Variants in CORO2B observed in about 807,000 individuals in gnomAD.
CORO2B encodes coronin-2B.
Under a neutral mutation model 58.8 loss-of-function variants are expected in CORO2B, and 26 were observed. The observed-to-expected ratio is 0.44, with a 90% confidence interval of 0.32 to 0.61. The LOEUF is 0.61. CORO2B is among the 20% of genes least tolerant of loss of function. The pLI is 0.04. For missense variants in CORO2B, 460 were observed against 645.1 expected, an observed-to-expected ratio of 0.71 and a Z score of 3.11; for synonymous variants, 242 against 253.8, an observed-to-expected ratio of 0.95 and a Z score of 0.44.
the CORO2B span, among the ~76,000 whole-genome samples, chr15:68,555,927 GTGTGATC>G: frequency 6.6e-6 from 1 of 152,232 alleles, no homozygotes; most frequent in African/African-American, 2.4e-5. Flanking sequence ...CCCTCCCTCT[GTGTGATC>G]TGTGAGTCTG....
intron 1 of CORO2B, among the ~76,000 whole-genome samples, chr15:68,587,047 TATACACACACACACACACACACACACAC>T (rs1429434990): frequency 2.1e-5 from 3 of 141,734 alleles, no homozygotes; most frequent in Non-Finnish European, 3.1e-5. Flanking sequence ...GGGAGATATG[TATACACACACACACACACACACACACAC>T]ACACACACAC....
chr15:68,631,513 C>T (rs1900827895), intron 1 of CORO2B, among the ~76,000 whole-genome samples: 1 of 152,156 alleles, frequency 6.6e-6, no homozygotes, highest in African/African-American at 2.4e-5. Context: ...TCTGTTTGGC[C>T]CACTTTGGAA....
the CORO2B span, among the ~76,000 whole-genome samples, chr15:68,566,942 A>G: frequency 6.6e-6 from 1 of 152,218 alleles, no homozygotes; most frequent in Admixed American, 6.5e-5. Context: ...GCGAAGAGGC[A>G]GCGTGTCCAA....
rs1893096362 is a variant in CORO2B at position 68,718,942 on chromosome 15, G to A, written c.1080+132G>A. The A allele has an allele frequency of 4.6e-6, 4 of 878,980 alleles. 1 individual carries two copies. Among genetic ancestry groups the A allele is most frequent in the Non-Finnish European group, 1.8e-6 (1 of 550,884 alleles). The allele number at this position is 878,980 out of a possible 1,614,324, so 54.4% of individuals were successfully genotyped here. The stretch of plus-strand genomic sequence containing the variant: ...ACTGGGGTCTTCAAACCTAATTTGG[G>A]GTGAGGGGCATTCTCAGATGGGGAC... On this transcript the variant is annotated intron_variant, in intron 9 of 11. Transcript: ENST00000261861.
chr15:68,715,100 T>C (rs1361525428), intron 7 of CORO2B, 115 bp from the exon 8 acceptor site: 3 of 946,278 alleles, frequency 3.2e-6, no homozygotes, highest in Non-Finnish European at 5.1e-6. Context: ...TCCTTGGTTT[T>C]TTTAACTGCC....
intron 1 of CORO2B, among the ~76,000 whole-genome samples, chr15:68,636,351 G>A (rs1486527038): frequency 3.3e-5 from 5 of 152,194 alleles, no homozygotes; most frequent in South Asian, 4.1e-4. Context: ...ACCAGAGCAG[G>A]AAAGGCTGCA....
chr15:68,663,744 A>G (rs1902090655), intron 2 of CORO2B, among the ~76,000 whole-genome samples: 1 of 152,234 alleles, frequency 6.6e-6, no homozygotes, highest in African/African-American at 2.4e-5. Flanking sequence ...AGTGGACAAG[A>G]CTTGAATAAG....
chr15:68,640,950 C>T lies in CORO2B; in HGVS notation c.16-4210C>T, dbSNP rs76072851. ...GAGCCAGGACTGCAGACTCCCAGCT[C>T]AGGGTTCTGTGTGAAGACTTAGCAT... On this transcript the variant is annotated intron_variant, in intron 1 of 11. Transcript: ENST00000261861. 5.3e-4 allele frequency among the ~76,000 whole-genome samples: 81 copies of T among 152,250 alleles called. 1 individual carries two copies. In the East Asian group the frequency reaches 0.016, roughly 29 times the overall value.
chr15:68,595,102 A>G (rs1899794145), intron 1 of CORO2B, among the ~76,000 whole-genome samples: 2 of 152,228 alleles, frequency 1.3e-5, no homozygotes, highest in South Asian at 4.1e-4. Context: ...GAAGCATTGT[A>G]CCATGCAAAG....
the CORO2B span, among the ~76,000 whole-genome samples, chr15:68,531,574 GAGAA>G: frequency 2.1e-5 from 3 of 144,112 alleles, no homozygotes; most frequent in African/African-American, 7.7e-5. Flanking sequence ...GAGAAAGAAA[GAGAA>G]AGAAAGAGAA....
intron 2 of CORO2B, among the ~76,000 whole-genome samples, chr15:68,663,007 C>T (rs1434160271): frequency 6.6e-6 from 1 of 151,582 alleles, no homozygotes; most frequent in African/African-American, 2.4e-5. Context: ...CCTGGTTTAT[C>T]GTGAGCTTTT....
the CORO2B span, among the ~76,000 whole-genome samples, chr15:68,564,142 G>A: frequency 2.0e-5 from 3 of 152,096 alleles, no homozygotes; most frequent in African/African-American, 2.4e-5. Context: ...GCTTATTGTC[G>A]AATGTGTTGA....
Position 68,718,838 on chromosome 15 carries a change from A to AG in CORO2B, c.1080+34dup, listed in dbSNP as rs771529187. On this transcript the variant is annotated intron_variant, in intron 9 of 11. Coordinates refer to ENST00000261861, the MANE Select transcript of CORO2B (RefSeq NM_006091.5). The stretch of plus-strand genomic sequence containing the variant: ...AAGTGGGGCTGGGCTGGGCTCCAGG[A>AG]GGGGGGCCTGCATCGCCTCTTAGCC... The AG allele has an allele frequency of 3.8e-6, 6 of 1,571,556 alleles. No homozygotes were observed. The African/African-American group carries it at 8.1e-5, about 21-fold the overall frequency.
the CORO2B span, among the ~76,000 whole-genome samples, chr15:68,549,953 A>AAAATAAATAAATAAATAAATAAAT: frequency 2.8e-4 from 40 of 144,572 alleles, no homozygotes; most frequent in African/African-American, 7.6e-4. Flanking sequence ...AAAATAAAAT[A>AAAATAAATAAATAAATAAATAAAT]AAATAAATAA....
intron 9 of CORO2B, 139 bp from the exon 10 acceptor site, chr15:68,719,005 G>T: frequency 1.2e-6 from 1 of 854,202 alleles, no homozygotes; most frequent in Non-Finnish European, 1.9e-6. Context: ...GGTAGTTCCA[G>T]GAGGGAGACA....
chr15:68,519,943 T>C, the CORO2B span, among the ~76,000 whole-genome samples: 1 of 152,258 alleles, frequency 6.6e-6, no homozygotes, highest in Non-Finnish European at 1.5e-5. Flanking sequence ...TAAGCACAGC[T>C]TTAGTTCCAT....
At chr15:68,609,412 G>A (rs1354439664) in intron 1 of CORO2B, among the ~76,000 whole-genome samples, 1 of 152,206 alleles carries the variant, frequency 6.6e-6, no homozygotes, top group East Asian at 1.9e-4. Flanking sequence ...GAAGAGGGCT[G>A]TGGCTGTGCA....
chr15:68,603,437 C>T (rs773511715), intron 1 of CORO2B, among the ~76,000 whole-genome samples: 9 of 152,126 alleles, frequency 5.9e-5, no homozygotes, highest in Non-Finnish European at 1.0e-4. Context: ...CAAACTGCAG[C>T]AACAGTGCGA....
chr15:68,693,667 G>A lies in CORO2B; in HGVS notation c.217-1473G>A, dbSNP rs143504178. On this transcript the variant is annotated intron_variant, in intron 2 of 11. Coordinates refer to ENST00000261861, the MANE Select transcript of CORO2B (RefSeq NM_006091.5). The stretch of plus-strand genomic sequence containing the variant: ...CCCATCCACGCCCCTTGTTCCATCC[G>A]TTTGTGGACTCACCCCCTCCCAGGA... 4.6e-3 allele frequency among the ~76,000 whole-genome samples: 694 copies of A among 152,204 alleles called. 3 individuals carry two copies. Among genetic ancestry groups the A allele is most frequent in the South Asian group, 0.023 (113 of 4,828 alleles).
Sources: allele counts gnomAD v4.1 joint callset (sites outside exome capture counted in the v4.1 genomes callset), GRCh38; gene constraint gnomAD v4.1.1; transcripts MANE v1.5; gene names NCBI Gene and HGNC (gene_info 2026-07-23, HGNC 2026-07-21).